Variants in ABCC8 observed in about 807,000 individuals in gnomAD.
ABCC8 encodes the protein ATP binding cassette subfamily C member 8.
A neutral mutation model predicts 188.0 loss-of-function variants in ABCC8; 137 were observed. The observed-to-expected ratio is 0.73, with a 90% CI of 0.63 to 0.84. The LOEUF is 0.84. ABCC8 is among the 40% of genes least tolerant of loss of function. The probability of loss-of-function intolerance (pLI) is 0.00; values close to 1 mark genes in which losing one functional copy is unlikely to be tolerated. For synonymous variants in ABCC8, 797 were observed against 846.5 expected (o/e 0.94, Z 1.01); for missense variants, 1,750 against 2,072.7 (o/e 0.84, Z 3.02).
At chr11:17,466,570 G>T (rs1350908527) in intron 3 of ABCC8, among the ~76,000 whole-genome samples, 1 of 152,066 alleles carries the variant, frequency 6.6e-6, no homozygotes, top group African/African-American at 2.4e-5. Context: ...AGATGAAAAA[G>T]TTCTGGAGAT....
intron 10 of ABCC8, among the ~76,000 whole-genome samples, chr11:17,440,161 T>C (rs899271397): frequency 6.6e-6 from 1 of 152,116 alleles, no homozygotes; most frequent in African/African-American, 2.4e-5. Context: ...GCCCCCACTT[T>C]CCTTGTTGTT....
intron 4 of ABCC8, among the ~76,000 whole-genome samples, chr11:17,462,527 A>G (rs150725108): frequency 1.3e-5 from 2 of 152,336 alleles, no homozygotes; most frequent in African/African-American, 4.8e-5. Flanking sequence ...AGACCCTTTG[A>G]CCCAGCAACG....
chr11:17,426,147 C>A (rs190137536), intron 16 of ABCC8, among the ~76,000 whole-genome samples: 1 of 152,132 alleles, frequency 6.6e-6, no homozygotes, highest in African/African-American at 2.4e-5. Context: ...AATAAACATA[C>A]GTCTGCATGT....
chr11:17,413,634 T>C, intron 19 of ABCC8, 156 bp from the exon 20 acceptor site: 1 of 1,475,470 alleles, frequency 6.8e-7, no homozygotes, highest in Non-Finnish European at 9.2e-7. Flanking sequence ...CCGTGTGAGC[T>C]TGAAAAGAGC....
rs74419348 is a variant in ABCC8 at position 17,404,919 on chromosome 11, A to T, written c.3400-250T>A. Among the ~76,000 whole-genome samples, 1 of 151,686 alleles carries T rather than the reference A, an allele frequency of 6.6e-6. No homozygotes were observed. Among genetic ancestry groups the T allele is most frequent in the South Asian group, 2.1e-4 (1 of 4,782 alleles). ...TGGGATTACAGGCACCTGCCACCAC[A>T]CCTGGCTAATTTTTGTATTTTTAAT... is the stretch of plus-strand genomic sequence containing the variant. On this transcript the variant is annotated intron_variant, in intron 27 of 38. Coordinates refer to ENST00000389817, the MANE Select transcript of ABCC8 (RefSeq NM_000352.6). This position sits in a 1 kb window ranked among gnomAD's most constrained non-coding sequence, Gnocchi z 4.7.
chr11:17,448,767 G>T, intron 7 of ABCC8, 96 bp from the exon 8 acceptor site: 1 of 1,603,656 alleles, frequency 6.2e-7, no homozygotes, highest in East Asian at 2.2e-5. Context: ...GGGCTTCTCA[G>T]ACAGTCCCCA....
chr11:17,448,454 A>C, intron 8 of ABCC8, 62 bp downstream of exon 8: 1 of 1,465,290 alleles, frequency 6.8e-7, no homozygotes, highest in Non-Finnish European at 9.6e-7. Flanking sequence ...CTGGCCATGG[A>C]CCAGCAGATT....
intron 23 of ABCC8, 22 bp from the exon 24 acceptor site, chr11:17,407,475 G>A (rs371168102): frequency 3.6e-5 from 58 of 1,614,010 alleles, no homozygotes; most frequent in Admixed American, 6.7e-5. Context: ...ATGTGGCCTG[G>A]GCAATGTCTT....
intron 2 of ABCC8, among the ~76,000 whole-genome samples, chr11:17,473,486 C>T (rs762918583): frequency 6.6e-6 from 1 of 152,134 alleles, no homozygotes; most frequent in Non-Finnish European, 1.5e-5. Flanking sequence ...TGCCATCCAA[C>T]TACAGGAGCC....
chr11:17,397,079 T>C (rs1226681461), intron 32 of ABCC8, 33 bp from the exon 33 acceptor site: 3 of 1,613,952 alleles, frequency 1.9e-6, no homozygotes, highest in African/African-American at 1.3e-5. Flanking sequence ...CCACCAGGCA[T>C]GGGCCACAGC....
intron 22 of ABCC8, among the ~76,000 whole-genome samples, chr11:17,410,047 C>T (rs1954733413): frequency 6.6e-6 from 1 of 152,114 alleles, no homozygotes. Flanking sequence ...CCCCTGCGCC[C>T]AGCCTGAAGT....
chr11:17,421,169 C>T (rs1471295491), intron 16 of ABCC8, among the ~76,000 whole-genome samples: 1 of 152,190 alleles, frequency 6.6e-6, no homozygotes, highest in Non-Finnish European at 1.5e-5. Context: ...GTAGCCTACA[C>T]AGAACAGTGC....
chr11:17,407,926 A>G (rs377450998), intron 23 of ABCC8, among the ~76,000 whole-genome samples: 2 of 152,224 alleles, frequency 1.3e-5, no homozygotes, highest in African/African-American at 4.8e-5. Flanking sequence ...CCTCACTGAT[A>G]CCATGAGAAT....
chr11:17,419,998 G>A (rs1955262164), intron 16 of ABCC8, among the ~76,000 whole-genome samples: 1 of 152,304 alleles, frequency 6.6e-6, no homozygotes, highest in Non-Finnish European at 1.5e-5. Flanking sequence ...CAGGTTGTAG[G>A]CTTGGAGAAC....
chr11:17,429,316 G>C (rs1955739616), intron 12 of ABCC8: 2 of 153,218 alleles, frequency 1.3e-5, no homozygotes, highest in African/African-American at 4.8e-5. Flanking sequence ...CAACAGGCCT[G>C]GGGCAGACAA....
In ABCC8 at chr11:17,448,810, T is replaced by C; in HGVS notation, c.1177-139A>G. 4.4e-6 allele frequency: 6 copies of C among 1,364,636 alleles called. No homozygotes were observed. In the South Asian group the frequency reaches 7.3e-5, roughly 17 times the overall value. 84.5% of individuals were successfully genotyped at this position (1,364,636 alleles called of 1,614,324 possible). ...CTAGAGCAGCTCTGTAAGGTGGTAC[T>C]GTATCACCGTTCCAACTTACTAGTC... On this transcript the variant is annotated intron_variant, in intron 7 of 38. Transcript: ENST00000389817.
At position 17,394,246 on chromosome 11, in the gene ABCC8, T is replaced by TGGAG; in HGVS notation, c.4545+16_4545+19dup. 1 of 1,612,012 alleles carries TGGAG rather than the reference T, an allele frequency of 6.2e-7. No homozygotes were observed. Among genetic ancestry groups the TGGAG allele is most frequent in the Non-Finnish European group, 8.5e-7 (1 of 1,178,694 alleles). On this transcript the variant is annotated intron_variant, in intron 37 of 38. Transcript: ENST00000389817. ...AACCCTTTCCAAGACCATGGTCCCA[T>TGGAG]GGAGGGGCCCAGGACCAACCGTGGC...
intron 29 of ABCC8, among the ~76,000 whole-genome samples, chr11:17,398,746 G>A (rs941072841): frequency 6.6e-6 from 1 of 152,130 alleles, no homozygotes; most frequent in Non-Finnish European, 1.5e-5. Flanking sequence ...GAATCACCTG[G>A]ATTCACATTC....
chr11:17,397,902 A>G (rs543949355), intron 30 of ABCC8, 105 bp from the exon 31 acceptor site: 10 of 1,534,744 alleles, frequency 6.5e-6, no homozygotes, highest in Admixed American at 2.0e-5. Context: ...CCAGGCCTCC[A>G]CTCCAGCCCT....
Sources: allele counts gnomAD v4.1 joint callset (sites outside exome capture counted in the v4.1 genomes callset), GRCh38; gene constraint gnomAD v4.1.1; non-coding constraint Gnocchi (gnomAD v3.1); transcripts MANE v1.5; gene names NCBI Gene and HGNC (gene_info 2026-07-23, HGNC 2026-07-21).